Variants in NOL4 observed in about 807,000 individuals in gnomAD.
The protein encoded by NOL4 is nucleolar protein 4.
NOL4 carries 17 observed loss-of-function variants against 75.9 expected under a neutral mutation model. That is an observed-to-expected ratio of 0.22 (90% confidence interval 0.15 to 0.34). NOL4 has a LOEUF of 0.34. Ranked by LOEUF, NOL4 falls within the 10% of genes least tolerant of loss-of-function variation. NOL4 has a pLI of 1.00. For synonymous variants in NOL4, 292 were observed against 289.9 expected (o/e 1.01, Z -0.07); for missense variants, 614 against 793.5 (o/e 0.77, Z 2.72).
At chr18:34,065,604 CA>C (rs1275280365) in intron 5 of NOL4, among the ~76,000 whole-genome samples, 2 of 151,760 alleles carry the variant, frequency 1.3e-5, no homozygotes, top group African/African-American at 4.8e-5. Flanking sequence ...AGCCCCACCC[CA>C]CACAAAACAT....
intron 5 of NOL4, 53 bp from the exon 6 acceptor site, chr18:34,019,654 T>A: frequency 6.6e-7 from 1 of 1,519,166 alleles, no homozygotes; most frequent in Non-Finnish European, 9.0e-7. Flanking sequence ...CTATTCAGAG[T>A]CTACTTCAAC....
Position 34,212,028 on chromosome 18 carries a change from A to T in NOL4, c.264+10962T>A, listed in dbSNP as rs1315383186. Among the ~76,000 whole-genome samples the T allele has an allele frequency of 3.3e-5, 5 of 152,262 alleles. No homozygotes were observed. In the East Asian group the frequency reaches 9.6e-4, roughly 29 times the overall value. On this transcript the variant is annotated intron_variant, in intron 1 of 10. Coordinates refer to ENST00000261592, the MANE Select transcript of NOL4 (RefSeq NM_003787.5). ...TGTTATATTTTCTTGTAAGTTTTCA[A>T]AAATCCTTTAATGTAAATTAATTAT...
intron 10 of NOL4, among the ~76,000 whole-genome samples, chr18:33,867,649 AACACACACACACACACAC>A (rs35491645): frequency 2.0e-5 from 3 of 148,678 alleles, no homozygotes; most frequent in African/African-American, 7.4e-5. Flanking sequence ...TGTGTATGTA[AACACACACACACACACAC>A]ACACACACAC....
chr18:33,964,396 T>C lies in NOL4; in HGVS notation c.1057-5978A>G, dbSNP rs570112798. ...GCACTGTGTGTCTTCTGATATTATA[T>C]GAAGCACATGGCACTACTCAAGAAG... On this transcript the variant is annotated intron_variant, in intron 6 of 10. Transcript: ENST00000261592. Among the ~76,000 whole-genome samples the C allele has an allele frequency of 1.2e-3, 179 of 150,308 alleles. 3 individuals are homozygous for C. The South Asian group carries it at 0.037, about 31-fold the overall frequency.
chr18:34,011,090 T>C (rs1481429405), intron 6 of NOL4, among the ~76,000 whole-genome samples: 3 of 151,648 alleles, frequency 2.0e-5, no homozygotes, highest in Non-Finnish European at 4.4e-5. Context: ...ATAGTGAAAT[T>C]GGAATGTTAC....
At chr18:33,925,589 G>C (rs115004244) in intron 9 of NOL4, among the ~76,000 whole-genome samples, 1 of 152,118 alleles carries the variant, frequency 6.6e-6, no homozygotes, top group Non-Finnish European at 1.5e-5. Flanking sequence ...TCTGAGTTCT[G>C]CAACCAACGT....
At chr18:34,204,310 G>GTTCCT (rs1261289642) in intron 1 of NOL4, among the ~76,000 whole-genome samples, 1 of 152,038 alleles carries the variant, frequency 6.6e-6, no homozygotes, top group Non-Finnish European at 1.5e-5. Context: ...TCTGCAATAT[G>GTTCCT]TATTGTTTAA....
intron 6 of NOL4, among the ~76,000 whole-genome samples, chr18:33,962,768 T>A (rs1156908338): frequency 6.6e-6 from 1 of 152,136 alleles, no homozygotes; most frequent in East Asian, 1.9e-4. Flanking sequence ...TGAATGGCAA[T>A]GTGAAATATT....
rs533518897 is a variant in NOL4, at chr18:34,209,107, A to G, written c.264+13883T>C. 2.5e-4 allele frequency among the ~76,000 whole-genome samples: 36 copies of G among 145,762 alleles called. 1 individual carries two copies. The highest frequency in any genetic ancestry group is 8.4e-4 in the African/African-American group (33 of 39,510). On this transcript the variant is annotated intron_variant, in intron 1 of 10. Coordinates refer to ENST00000261592, the MANE Select transcript of NOL4 (RefSeq NM_003787.5). ...GTGCCTGTAATCCCAGCTATTCTGGAGGCTGAGGCAGGAGAACTGCTTGAA... is the reference window on the plus strand; with the variant it reads ...GTGCCTGTAATCCCAGCTATTCTGGGGGCTGAGGCAGGAGAACTGCTTGAA...
chr18:34,110,993 T>C (rs1016375133), intron 2 of NOL4, among the ~76,000 whole-genome samples: 1 of 151,740 alleles, frequency 6.6e-6, no homozygotes, highest in Non-Finnish European at 1.5e-5. Context: ...AGATATACAA[T>C]GAAAACTATA....
chr18:34,057,920 G>A (rs1408282521), intron 5 of NOL4, among the ~76,000 whole-genome samples: 1 of 152,176 alleles, frequency 6.6e-6, no homozygotes, highest in Non-Finnish European at 1.5e-5. Flanking sequence ...TGCAGAGCAT[G>A]ATTTCAGGAA....
chr18:34,095,459 G>C (rs1305033548), intron 4 of NOL4, among the ~76,000 whole-genome samples: 1 of 151,954 alleles, frequency 6.6e-6, no homozygotes, highest in Non-Finnish European at 1.5e-5. Context: ...TAGTATTTTA[G>C]AGGATATTCT....
intron 5 of NOL4, among the ~76,000 whole-genome samples, chr18:34,042,668 CA>C (rs1177278101): frequency 6.6e-6 from 1 of 152,058 alleles, no homozygotes; most frequent in Admixed American, 6.6e-5. Flanking sequence ...TCCGGTGCAG[CA>C]AGTTCCTTTA....
At chr18:34,063,651 C>A (rs985404533) in intron 5 of NOL4, among the ~76,000 whole-genome samples, 2 of 152,118 alleles carry the variant, frequency 1.3e-5, no homozygotes, top group Admixed American at 6.5e-5. Context: ...ACATAACCAA[C>A]CCTCTGTTGA....
chr18:33,999,864 G>C (rs986205508), intron 6 of NOL4, among the ~76,000 whole-genome samples: 4 of 152,044 alleles, frequency 2.6e-5, no homozygotes, highest in Non-Finnish European at 5.9e-5. Flanking sequence ...ATGTTGGCCT[G>C]GTTGGTATCG....
At chr18:33,928,334 C>A (rs574480600) in intron 9 of NOL4, among the ~76,000 whole-genome samples, 1 of 152,160 alleles carries the variant, frequency 6.6e-6, no homozygotes, top group African/African-American at 2.4e-5. Context: ...CAGCCTAAAC[C>A]AAAGATGTAT....
At chr18:34,200,560 G>A (rs1446862894) in intron 1 of NOL4, among the ~76,000 whole-genome samples, 1 of 151,494 alleles carries the variant, frequency 6.6e-6, no homozygotes, top group Non-Finnish European at 1.5e-5. Context: ...TGGCAAATTG[G>A]TTTTGGTCTC....
At chr18:34,122,147 A>G (rs895514192) in intron 2 of NOL4, among the ~76,000 whole-genome samples, 7 of 152,338 alleles carry the variant, frequency 4.6e-5, no homozygotes, top group Middle Eastern at 3.4e-3. Context: ...ACCCGTAACC[A>G]AAGAACTAAA....
At chr18:33,888,727 G>A (rs1244145058) in intron 9 of NOL4, among the ~76,000 whole-genome samples, 2 of 152,038 alleles carry the variant, frequency 1.3e-5, no homozygotes, top group Non-Finnish European at 2.9e-5. Context: ...TCAGATGGTT[G>A]TAGATGTGTG....
Sources: gnomAD v4.1 joint callset for allele counts (sites outside exome capture counted in the v4.1 genomes callset) on GRCh38, gnomAD v4.1.1 for gene constraint, MANE v1.5 for transcripts, NCBI Gene and HGNC (gene_info 2026-07-23, HGNC 2026-07-21) for gene names.